Variants in DRGX observed in about 807,000 individuals in gnomAD.
DRGX encodes the protein dorsal root ganglia homeobox.
Under a neutral mutation model 28.6 loss-of-function variants are expected in DRGX, and 21 were observed. That is an observed-to-expected ratio of 0.73 (90% CI 0.52 to 1.06). DRGX has a LOEUF of 1.06. Among genes scored for constraint, DRGX ranks in the 50% least tolerant of loss-of-function variants. The pLI is 0.00. For missense variants in DRGX, 354 were observed against 343.9 expected (o/e 1.03, Z -0.23); for synonymous variants, 136 against 139.1 (o/e 0.98, Z 0.16).
intron 6 of DRGX, among the ~76,000 whole-genome samples, chr10:49,380,533 G>A (rs1228016919): frequency 6.6e-6 from 1 of 152,204 alleles, no homozygotes; most frequent in East Asian, 1.9e-4. Flanking sequence ...CTGCACAGGA[G>A]TAGGGTTCCT....
At chr10:49,371,850 C>A (rs1223412874) in intron 6 of DRGX, among the ~76,000 whole-genome samples, 2 of 148,320 alleles carry the variant, frequency 1.3e-5, no homozygotes, top group African/African-American at 5.0e-5. Context: ...GTCCCAGCTA[C>A]TAGGACCCTC....
intron 2 of DRGX, among the ~76,000 whole-genome samples, chr10:49,394,306 C>G (rs1849942123): frequency 6.6e-6 from 1 of 152,208 alleles, no homozygotes; most frequent in Non-Finnish European, 1.5e-5. Flanking sequence ...TTCTGAGGCT[C>G]AGCCACTGCT....
At position 49,365,852 on chromosome 10, in the gene DRGX, T is replaced by C; in HGVS notation, c.*264A>G. On this transcript the variant is annotated 3_prime_UTR_variant, in exon 7 of 7. Transcript: ENST00000374139. Reference sequence around the variant, plus strand: ...GCCTGGATGGAAATCCCAGGGAGGCTCCTCACAGAGAGGGCTCTGCTGCCA... The same window carrying C: ...GCCTGGATGGAAATCCCAGGGAGGCCCCTCACAGAGAGGGCTCTGCTGCCA... 5.7e-6 allele frequency: 2 copies of C among 353,370 alleles called. No homozygotes were observed. The highest frequency in any genetic ancestry group is 1.0e-5 in the Non-Finnish European group (2 of 199,182). 21.9% of individuals were successfully genotyped at this position (353,370 alleles called of 1,614,324 possible).
Position 49,386,587 on chromosome 10 carries a change from C to T in DRGX, c.417G>A (p.Leu139=), listed in dbSNP as rs1247654892. ...KKEALEAQQS[L]GRTVGPAGPF... ...GCCCTGCAGGACCTACCGTTCGCCC[C>T]AGGCTGGCAAAGGAAGGAGATCATA... is the stretch of plus-strand genomic sequence containing the variant. The change falls in exon 6 of 7, where the codon CTG becomes CTA. Residue 139 remains leucine (L), a synonymous_variant. Coordinates refer to ENST00000374139, the MANE Select transcript of DRGX (RefSeq NM_001276451.2). The T allele has an allele frequency of 6.3e-7, 1 of 1,594,550 alleles. No homozygotes were observed. Among genetic ancestry groups the T allele is most frequent in the Non-Finnish European group, 8.5e-7 (1 of 1,170,570 alleles).
At chr10:49,385,123 A>T (rs149522264) in intron 6 of DRGX, among the ~76,000 whole-genome samples, 263 of 152,204 alleles carry the variant, frequency 1.7e-3, no homozygotes, top group Middle Eastern at 0.017. Context: ...GTGTCTTGTA[A>T]ATATGTCCCA....
chr10:49,392,184 T>A (rs1329629566), intron 2 of DRGX, among the ~76,000 whole-genome samples: 1 of 152,234 alleles, frequency 6.6e-6, no homozygotes, highest in Admixed American at 6.5e-5. Flanking sequence ...AACCAGTGAA[T>A]ACTTTACCTG....
At chr10:49,377,019 C>T (rs1034240957) in intron 6 of DRGX, among the ~76,000 whole-genome samples, 1 of 152,200 alleles carries the variant, frequency 6.6e-6, no homozygotes, top group East Asian at 1.9e-4. Flanking sequence ...AGATGCTCAA[C>T]CTGTGGTTCA....
chr10:49,379,162 A>G (rs1849747300), intron 6 of DRGX, among the ~76,000 whole-genome samples: 1 of 152,224 alleles, frequency 6.6e-6, no homozygotes, highest in African/African-American at 2.4e-5. Flanking sequence ...ACCACTGTGG[A>G]TAAGGGAAAC....
chr10:49,371,355 C>T (rs1590361389), intron 6 of DRGX, among the ~76,000 whole-genome samples: 1 of 152,154 alleles, frequency 6.6e-6, no homozygotes, highest in Non-Finnish European at 1.5e-5. Flanking sequence ...GGCCATGAAA[C>T]GTGTGCTCAA....
chr10:49,383,996 G>T (rs72792860), intron 6 of DRGX, among the ~76,000 whole-genome samples: 1 of 152,218 alleles, frequency 6.6e-6, no homozygotes, highest in Middle Eastern at 3.2e-3. Context: ...CAGCATCCAC[G>T]TTCCCACGCA....
At chr10:49,389,321 A>G (rs1451497720) in intron 4 of DRGX, among the ~76,000 whole-genome samples, 1 of 152,188 alleles carries the variant, frequency 6.6e-6, no homozygotes, top group African/African-American at 2.4e-5. Flanking sequence ...AAAGCAAACT[A>G]TTATATTTCC....
chr10:49,393,207 G>A (rs2132488250), intron 2 of DRGX, among the ~76,000 whole-genome samples: 1 of 152,242 alleles, frequency 6.6e-6, no homozygotes, highest in Admixed American at 6.5e-5. Context: ...CAGTTTAAAA[G>A]AAATCAGTAG....
chr10:49,366,437 C>A, intron 6 of DRGX, 56 bp from the exon 7 acceptor site: 1 of 1,533,064 alleles, frequency 6.5e-7, no homozygotes, highest in Non-Finnish European at 8.8e-7. Context: ...CCTCTCAGGG[C>A]TGGGTGACAG....
intron 4 of DRGX, among the ~76,000 whole-genome samples, chr10:49,388,873 C>T (rs1444863190): frequency 1.3e-5 from 2 of 152,188 alleles, no homozygotes; most frequent in African/African-American, 2.4e-5. Context: ...ACTAAACAAG[C>T]GCTTCACAGC....
rs1849573613 is a variant in DRGX, at chr10:49,364,233, G to A, written c.*1883C>T. ...TAACATCAGGCAGACTTTTCGATAT[G>A]ATCCAGTTTTGCACAGTCACTAGAG... On this transcript the variant is annotated 3_prime_UTR_variant, in exon 7 of 7. Transcript: ENST00000374139. The A allele has an allele frequency of 1.3e-5, 2 of 152,182 alleles. No homozygotes were observed. The highest frequency in any genetic ancestry group is 4.8e-5 in the African/African-American group (2 of 41,436). 9.4% of individuals were successfully genotyped at this position (152,182 alleles called of 1,614,324 possible).
At chr10:49,390,652 T>C (rs1324892136) in intron 3 of DRGX, among the ~76,000 whole-genome samples, 1 of 152,100 alleles carries the variant, frequency 6.6e-6, no homozygotes, top group Non-Finnish European at 1.5e-5. Flanking sequence ...ATAGGGATAT[T>C]TGGTCACCTT....
chr10:49,378,000 G>A (rs984525029), intron 6 of DRGX, among the ~76,000 whole-genome samples: 2 of 152,046 alleles, frequency 1.3e-5, no homozygotes, highest in African/African-American at 2.4e-5. Flanking sequence ...TATGTAAAAA[G>A]AATAGCATGT....
chr10:49,383,332 T>G (rs1442348236), intron 6 of DRGX, among the ~76,000 whole-genome samples: 1 of 152,144 alleles, frequency 6.6e-6, no homozygotes, highest in Non-Finnish European at 1.5e-5. Flanking sequence ...CTTAGCTTGT[T>G]GGAGATTTAA....
intron 6 of DRGX, among the ~76,000 whole-genome samples, chr10:49,369,820 A>AGTG (rs1849635870): frequency 6.6e-6 from 1 of 151,878 alleles, no homozygotes; most frequent in African/African-American, 2.4e-5. Context: ...TTGAGGGCAA[A>AGTG]GTGATCCAGG....
Sources: gnomAD v4.1 joint callset for allele counts (sites outside exome capture counted in the v4.1 genomes callset) on GRCh38, gnomAD v4.1.1 for gene constraint, MANE v1.5 for transcripts, NCBI Gene and HGNC (gene_info 2026-07-23, HGNC 2026-07-21) for gene names.